Variants in EYA4 observed in about 807,000 individuals in gnomAD.
The protein encoded by EYA4 is protein phosphatase EYA4.
In EYA4, 31 loss-of-function variants were observed where a neutral mutation model predicts 87.9. The ratio of observed to expected loss-of-function variants is 0.35; its 90% CI spans 0.27 to 0.48. EYA4 has a LOEUF of 0.48. Among genes scored for constraint, EYA4 ranks in the 20% least tolerant of loss-of-function variants. EYA4 has a pLI of 0.99. For synonymous variants in EYA4, 263 were observed against 270.6 expected, an observed-to-expected ratio of 0.97 and a Z score of 0.28; for missense variants, 678 against 761.4, an observed-to-expected ratio of 0.89 and a Z score of 1.29.
intron 2 of EYA4, among the ~76,000 whole-genome samples, chr6:133,283,722 C>T (rs1193663896): frequency 1.3e-5 from 2 of 152,026 alleles, no homozygotes; most frequent in South Asian, 2.1e-4. Context: ...GGTTTTGTTA[C>T]GTGGATATAT....
At chr6:133,511,959 C>T (rs567960128) in intron 14 of EYA4, among the ~76,000 whole-genome samples, 3 of 149,090 alleles carry the variant, frequency 2.0e-5, no homozygotes, top group East Asian at 3.9e-4. Flanking sequence ...CCAACCTGGG[C>T]GACTAAGTGA....
chr6:133,340,660 C>T (rs6940500), intron 2 of EYA4, among the ~76,000 whole-genome samples: 1,642 of 152,124 alleles, frequency 0.011, 28 homozygotes, highest in African/African-American at 0.038. Context: ...AGCCAAGAGG[C>T]GGCAGAGGAG....
chr6:133,491,057 T>C (rs1210739712), intron 13 of EYA4, among the ~76,000 whole-genome samples: 1 of 152,178 alleles, frequency 6.6e-6, no homozygotes, highest in Non-Finnish European at 1.5e-5. Context: ...TGAGGAATTT[T>C]GGAAACTGTG....
At chr6:133,465,899 G>A (rs1029256806) in intron 10 of EYA4, among the ~76,000 whole-genome samples, 3 of 152,054 alleles carry the variant, frequency 2.0e-5, no homozygotes, top group East Asian at 1.9e-4. Context: ...GTGTAATTTA[G>A]CATTAGGAAA....
intron 1 of EYA4, among the ~76,000 whole-genome samples, chr6:133,255,488 C>A (rs886546914): frequency 2.0e-5 from 3 of 151,980 alleles, no homozygotes; most frequent in Non-Finnish European, 4.4e-5. Context: ...ATATGTTATA[C>A]TTTCTTAAAA....
rs1453776531 is a variant in EYA4, at chr6:133,243,579, T to C, written c.-66+1830T>C. Among the ~76,000 whole-genome samples the C allele has an allele frequency of 2.0e-5, 3 of 152,256 alleles. No individual in the cohort carries two copies. The East Asian group carries it at 5.8e-4, about 29-fold the overall frequency. On this transcript the variant is annotated intron_variant, in intron 1 of 19. Coordinates refer to ENST00000355286, the MANE Select transcript of EYA4 (RefSeq NM_004100.5). ...TTTTTGTTTGTTGCGTTGTTTTTGTTTTTAAAACCTTAGGGAAGGGATTGT... is the reference window on the plus strand; with the variant it reads ...TTTTTGTTTGTTGCGTTGTTTTTGTCTTTAAAACCTTAGGGAAGGGATTGT...
intron 2 of EYA4, among the ~76,000 whole-genome samples, chr6:133,378,049 G>A (rs1226298743): frequency 6.6e-6 from 1 of 152,002 alleles, no homozygotes; most frequent in Non-Finnish European, 1.5e-5. Flanking sequence ...AGATTACAGT[G>A]GTAGTTTCAC....
At chr6:133,401,127 G>A (rs1439403450) in intron 3 of EYA4, among the ~76,000 whole-genome samples, 1 of 152,158 alleles carries the variant, frequency 6.6e-6, no homozygotes, top group Non-Finnish European at 1.5e-5. Flanking sequence ...TTTAAGTGAA[G>A]TAAGACAAGC....
At chr6:133,458,092 G>C (rs1025627829) in intron 6 of EYA4, among the ~76,000 whole-genome samples, 8 of 152,020 alleles carry the variant, frequency 5.3e-5, no homozygotes, top group Non-Finnish European at 1.0e-4. Context: ...AAAATAGATG[G>C]AAAAAGAAAT....
At chr6:133,245,731 G>T (rs898510343) in intron 1 of EYA4, among the ~76,000 whole-genome samples, 4 of 152,148 alleles carry the variant, frequency 2.6e-5, no homozygotes, top group Admixed American at 2.6e-4. Flanking sequence ...CATTTTTGGA[G>T]CCAAACTTGG....
At chr6:133,444,702 C>A (rs1792636857) in intron 3 of EYA4, among the ~76,000 whole-genome samples, 1 of 151,888 alleles carries the variant, frequency 6.6e-6, no homozygotes, top group South Asian at 2.1e-4. Context: ...GGCACAGTGA[C>A]CCCGTTTAGT....
chr6:133,412,051 T>C (rs1789287968), intron 3 of EYA4, among the ~76,000 whole-genome samples: 1 of 152,212 alleles, frequency 6.6e-6, no homozygotes, highest in South Asian at 2.1e-4. Flanking sequence ...GTCATTTAAA[T>C]GGATATTTTA....
chr6:133,346,365 C>T (rs1222097948), intron 2 of EYA4, among the ~76,000 whole-genome samples: 1 of 152,144 alleles, frequency 6.6e-6, no homozygotes, highest in Non-Finnish European at 1.5e-5. Flanking sequence ...GTTTCACAGG[C>T]TTGAAAGACT....
intron 14 of EYA4, chr6:133,507,148 T>G (rs1798709310): frequency 6.6e-6 from 1 of 152,226 alleles, no homozygotes; most frequent in Non-Finnish European, 1.5e-5. Flanking sequence ...TTCCATTAAT[T>G]ACTTAACAAT....
chr6:133,361,474 T>TA (rs1213145584), intron 2 of EYA4, among the ~76,000 whole-genome samples: 84 of 152,314 alleles, frequency 5.5e-4, no homozygotes, highest in Non-Finnish European at 8.8e-4. Flanking sequence ...AAGTAATAAG[T>TA]CTCATTATTG....
chr6:133,315,393 A>T (rs1478356788), intron 2 of EYA4, among the ~76,000 whole-genome samples: 1 of 152,156 alleles, frequency 6.6e-6, no homozygotes, highest in African/African-American at 2.4e-5. Context: ...ATATTTCTTT[A>T]ATTATGTGTA....
chr6:133,430,537 A>G (rs1053237546), intron 3 of EYA4, among the ~76,000 whole-genome samples: 22 of 152,328 alleles, frequency 1.4e-4, no homozygotes, highest in African/African-American at 5.3e-4. Flanking sequence ...AAGGATGAAA[A>G]ATATTAGAGA....
chr6:133,444,880 T>G (rs1043568876), intron 3 of EYA4, among the ~76,000 whole-genome samples: 1 of 152,198 alleles, frequency 6.6e-6, no homozygotes, highest in African/African-American at 2.4e-5. Context: ...AGGTCTTGGT[T>G]GTATAATCTA....
intron 3 of EYA4, among the ~76,000 whole-genome samples, chr6:133,405,852 C>A (rs296428): frequency 1.3e-5 from 2 of 151,740 alleles, no homozygotes; most frequent in African/African-American, 4.8e-5. Context: ...CTGGGTCTCA[C>A]TAAGGAGGAA....
Sources: allele counts gnomAD v4.1 joint callset (sites outside exome capture counted in the v4.1 genomes callset), GRCh38; gene constraint gnomAD v4.1.1; transcripts MANE v1.5; gene names NCBI Gene and HGNC (gene_info 2026-07-23, HGNC 2026-07-21).